The following ANKS1B variants were observed in gnomAD, a reference collection of about 807,000 sequenced individuals.
The protein encoded by ANKS1B is ankyrin repeat and sterile alpha motif domain-containing protein 1B.
Under a neutral mutation model 148.3 loss-of-function variants are expected in ANKS1B, and 36 were observed. The observed-to-expected ratio is 0.24, with a 90% CI of 0.19 to 0.32. The LOEUF is 0.32. ANKS1B is among the 10% of genes least tolerant of loss of function. The pLI, the probability that ANKS1B is intolerant of heterozygous loss-of-function variation, is 1.00. For synonymous variants in ANKS1B, 542 were observed against 560.8 expected (o/e 0.97, Z 0.47); for missense variants, 1,157 against 1,542.6 (o/e 0.75, Z 4.19).
At chr12:99,250,528 G>A (rs941710830) in intron 12 of ANKS1B, among the ~76,000 whole-genome samples, 5 of 152,236 alleles carry the variant, frequency 3.3e-5, no homozygotes, top group African/African-American at 1.2e-4. Flanking sequence ...ACCTATGTGA[G>A]TGAGGGCATC....
At chr12:98,758,780 C>CTTTTTTTTTT (rs59375322) in intron 25 of ANKS1B, among the ~76,000 whole-genome samples, 1 of 120,630 alleles carries the variant, frequency 8.3e-6, no homozygotes, top group Non-Finnish European at 1.7e-5. Flanking sequence ...CTTTTCCTTC[C>CTTTTTTTTTT]TTTTTTTTTT....
At chr12:98,827,422 C>T (rs911490396) in intron 19 of ANKS1B, among the ~76,000 whole-genome samples, 3 of 152,186 alleles carry the variant, frequency 2.0e-5, no homozygotes, top group Admixed American at 6.5e-5. Flanking sequence ...CTGCTTATCT[C>T]ACTCTGTTTT....
intron 9 of ANKS1B, among the ~76,000 whole-genome samples, chr12:99,561,885 T>C (rs747910532): frequency 4.6e-5 from 7 of 152,206 alleles, no homozygotes; most frequent in Non-Finnish European, 1.0e-4. Context: ...GAATGGTAAA[T>C]CCTTTCTAGA....
intron 14 of ANKS1B, among the ~76,000 whole-genome samples, chr12:99,165,129 C>A (rs1267744191): frequency 6.6e-6 from 1 of 151,906 alleles, no homozygotes; most frequent in Admixed American, 6.6e-5. Context: ...ATTAGACAGG[C>A]AGAAATACTC....
intron 17 of ANKS1B, among the ~76,000 whole-genome samples, chr12:98,930,460 T>C (rs2099812683): frequency 6.6e-6 from 1 of 152,068 alleles, no homozygotes; most frequent in African/African-American, 2.4e-5. Flanking sequence ...TGAAAACATA[T>C]GTGGATACAA....
At chr12:99,029,064 A>G (rs1009163410) in intron 17 of ANKS1B, among the ~76,000 whole-genome samples, 1 of 152,234 alleles carries the variant, frequency 6.6e-6, no homozygotes, top group Non-Finnish European at 1.5e-5. Flanking sequence ...TGAGAGCTGT[A>G]GTTACTATCT....
At chr12:98,813,734 T>C (rs1418057802) in intron 19 of ANKS1B, among the ~76,000 whole-genome samples, 1 of 151,540 alleles carries the variant, frequency 6.6e-6, no homozygotes, top group Non-Finnish European at 1.5e-5. Flanking sequence ...TTTGTTATTT[T>C]TAGTAGAGAT....
chr12:99,819,343 A>G (rs927014043), intron 2 of ANKS1B, among the ~76,000 whole-genome samples: 3 of 151,884 alleles, frequency 2.0e-5, no homozygotes, highest in Admixed American at 6.6e-5. Flanking sequence ...AAGCAAGATG[A>G]CTAAAGATGT....
chr12:99,713,315 C>A (rs10778010), intron 8 of ANKS1B, among the ~76,000 whole-genome samples: 63,009 of 152,000 alleles, frequency 0.41, 13,365 homozygotes, highest in East Asian at 0.47. Context: ...CTCTCCAGAG[C>A]ATACTTTCTT....
chr12:98,833,070 A>T (rs553706856), intron 17 of ANKS1B, among the ~76,000 whole-genome samples: 2 of 152,282 alleles, frequency 1.3e-5, no homozygotes, highest in African/African-American at 4.8e-5. Context: ...GAATCTGACC[A>T]TGCTGCAAAG....
intron 1 of ANKS1B, among the ~76,000 whole-genome samples, chr12:99,837,346 A>G (rs1388251615): frequency 6.6e-6 from 1 of 152,178 alleles, no homozygotes; most frequent in Non-Finnish European, 1.5e-5. Context: ...CTAAGCCACT[A>G]CATTTGTGGT....
chr12:99,324,866 A>G (rs2086010758), intron 12 of ANKS1B, among the ~76,000 whole-genome samples: 1 of 152,144 alleles, frequency 6.6e-6, no homozygotes, highest in Non-Finnish European at 1.5e-5. Context: ...TGTGGTCCTA[A>G]CACCAAACAT....
At chr12:99,791,952 C>A (rs549127612) in intron 4 of ANKS1B, among the ~76,000 whole-genome samples, 1 of 151,394 alleles carries the variant, frequency 6.6e-6, no homozygotes, top group South Asian at 2.1e-4. Context: ...GACAACAGAT[C>A]AACAAAACAA....
At chr12:99,962,555 G>A (rs1460937127) in intron 1 of ANKS1B, among the ~76,000 whole-genome samples, 1 of 152,104 alleles carries the variant, frequency 6.6e-6, no homozygotes, top group Non-Finnish European at 1.5e-5. Context: ...ATTCCTTTGA[G>A]TATATACCCA....
chr12:99,570,164 C>G (rs776658045), intron 9 of ANKS1B, among the ~76,000 whole-genome samples: 11 of 152,058 alleles, frequency 7.2e-5, no homozygotes, highest in Admixed American at 2.0e-4. Context: ...ACCCTCTGCC[C>G]CAGCTCCATT....
At chr12:99,216,392 C>T (rs2084200364) in intron 14 of ANKS1B, among the ~76,000 whole-genome samples, 1 of 152,210 alleles carries the variant, frequency 6.6e-6, no homozygotes, top group Non-Finnish European at 1.5e-5. Flanking sequence ...CTAATAATTG[C>T]TATCCTGCAA....
intron 9 of ANKS1B, among the ~76,000 whole-genome samples, chr12:99,641,201 T>C (rs968229185): frequency 6.6e-6 from 1 of 152,198 alleles, no homozygotes; most frequent in African/African-American, 2.4e-5. Context: ...AAAATGTGCG[T>C]TTGTATTGTA....
chr12:99,209,915 C>A (rs1259198108), intron 14 of ANKS1B, among the ~76,000 whole-genome samples: 1 of 152,046 alleles, frequency 6.6e-6, no homozygotes, highest in Non-Finnish European at 1.5e-5. Flanking sequence ...CCCAAGATAA[C>A]CTCCCCTCTG....
chr12:98,874,009 A>G (rs2099680176), intron 17 of ANKS1B, among the ~76,000 whole-genome samples: 1 of 152,124 alleles, frequency 6.6e-6, no homozygotes, highest in Non-Finnish European at 1.5e-5. Flanking sequence ...ACTTGGAAAC[A>G]CTGTGAAAAG....
Sources: allele counts gnomAD v4.1 joint callset (sites outside exome capture counted in the v4.1 genomes callset), GRCh38; gene constraint gnomAD v4.1.1; transcripts MANE v1.5; gene names NCBI Gene and HGNC (gene_info 2026-07-23, HGNC 2026-07-21).